CPNE4: variants seen among roughly 807,000 people sequenced by gnomAD.
CPNE4 encodes the protein copine 4.
In CPNE4, 25 loss-of-function variants were observed where a neutral mutation model predicts 67.9. The ratio of observed to expected loss-of-function variants is 0.37; its 90% CI spans 0.27 to 0.51. CPNE4 has a LOEUF of 0.51. CPNE4 is among the 20% of genes least tolerant of loss of function. The pLI is 0.93. For synonymous variants in CPNE4, 242 were observed against 244.9 expected, an observed-to-expected ratio of 0.99 and a Z score of 0.11; for missense variants, 464 against 690.8, an observed-to-expected ratio of 0.67 and a Z score of 3.68.
chr3:132,025,389 T>A (rs1183700775), intron 1 of CPNE4, among the ~76,000 whole-genome samples: 2 of 152,146 alleles, frequency 1.3e-5, no homozygotes, highest in African/African-American at 4.8e-5. Context: ...CAGAGGAAGT[T>A]TTATCTTAGA....
intron 1 of CPNE4, among the ~76,000 whole-genome samples, chr3:131,983,301 A>G (rs1410679741): frequency 6.6e-6 from 1 of 152,222 alleles, no homozygotes; most frequent in Non-Finnish European, 1.5e-5. Flanking sequence ...CTACAATTTT[A>G]AATACAGAAT....
At position 131,978,027 on chromosome 3, in the gene CPNE4, G is replaced by A. The variant is rs549906100; in HGVS notation, c.-2+56540C>T. 1.7e-3 allele frequency among the ~76,000 whole-genome samples: 204 copies of A among 121,952 alleles called. 1 individual carries two copies. The highest frequency in any genetic ancestry group is 2.4e-3 in the Non-Finnish European group (152 of 62,140). 80.0% of individuals were successfully genotyped at this position (121,952 alleles called of 152,430 possible). Reference sequence around the variant, plus strand: ...GCTATTAATTCATTCCTTTTTTATGGCTGCATAGTATTCCATCATAGATAT... The same window carrying A: ...GCTATTAATTCATTCCTTTTTTATGACTGCATAGTATTCCATCATAGATAT... On this transcript the variant is annotated intron_variant, in intron 1 of 15. Transcript: ENST00000429747.
intron 3 of CPNE4, among the ~76,000 whole-genome samples, chr3:131,708,763 A>AAAGT (rs112881262): frequency 0.14 from 20,746 of 151,734 alleles, 1,632 homozygotes; most frequent in African/African-American, 0.2. Flanking sequence ...GCTTCAAAAG[A>AAAGT]AAGTGAAAAG....
Position 131,586,722 on chromosome 3 carries a change from CTCTATCTGTCTG to C in CPNE4, c.780+750_780+761del, listed in dbSNP as rs1421623111. On this transcript the variant is annotated intron_variant, in intron 8 of 15. Coordinates refer to ENST00000429747, the MANE Select transcript of CPNE4 (RefSeq NM_130808.3). ...GATTTGGGCCCAGATGACTTTCTAT[CTCTATCTGTCTG>C]TCTGTCTGTCTGTCTGTCTGTCTGT... is the stretch of plus-strand genomic sequence containing the variant. Among the ~76,000 whole-genome samples the C allele has an allele frequency of 8.5e-4, 126 of 148,484 alleles. 1 individual carries two copies. The highest frequency in any genetic ancestry group is 2.6e-3 in the African/African-American group (102 of 39,088).
At chr3:131,738,859 T>TC (rs112382645) in intron 2 of CPNE4, among the ~76,000 whole-genome samples, 6 of 150,822 alleles carry the variant, frequency 4.0e-5, no homozygotes, top group East Asian at 1.9e-4. Flanking sequence ...TTTTTCTTTT[T>TC]TTTTTTTTTC....
intron 1 of CPNE4, among the ~76,000 whole-genome samples, chr3:132,004,172 T>C (rs1051999369): frequency 6.7e-6 from 1 of 148,898 alleles, no homozygotes; most frequent in Admixed American, 6.7e-5. Context: ...TCTGTGAAAA[T>C]TACAAAAAAA....
intron 7 of CPNE4, among the ~76,000 whole-genome samples, chr3:131,641,737 T>C (rs1249025589): frequency 6.6e-6 from 1 of 152,144 alleles, no homozygotes; most frequent in African/African-American, 2.4e-5. Flanking sequence ...AATTCGCAAT[T>C]GCAAAAATAT....
At chr3:131,677,786 T>A (rs2080622023) in intron 6 of CPNE4, among the ~76,000 whole-genome samples, 1 of 152,174 alleles carries the variant, frequency 6.6e-6, no homozygotes, top group Admixed American at 6.5e-5. Flanking sequence ...GTTCCATTGG[T>A]CTATGTGTCT....
chr3:131,927,697 C>T (rs2070937437), intron 1 of CPNE4, among the ~76,000 whole-genome samples: 1 of 152,160 alleles, frequency 6.6e-6, no homozygotes, highest in South Asian at 2.1e-4. Context: ...TATCCAAATA[C>T]ATTCAGCAGG....
At chr3:131,620,362 A>G (rs2107757958) in intron 7 of CPNE4, 1 of 662,370 alleles carries the variant, frequency 1.5e-6, no homozygotes. Context: ...AAGGTTTTAA[A>G]TTGACAAACT....
At chr3:131,845,614 G>A (rs1484217836) in intron 2 of CPNE4, among the ~76,000 whole-genome samples, 2 of 152,102 alleles carry the variant, frequency 1.3e-5, no homozygotes, top group African/African-American at 4.8e-5. Flanking sequence ...GTGGCCCAAG[G>A]CAGTTCAAAT....
At chr3:131,928,324 A>T (rs2070954717) in intron 1 of CPNE4, among the ~76,000 whole-genome samples, 1 of 152,186 alleles carries the variant, frequency 6.6e-6, no homozygotes, top group Non-Finnish European at 1.5e-5. Flanking sequence ...TTCTTAAAAA[A>T]AATGCAGATA....
At position 131,814,572 on chromosome 3, in the gene CPNE4, A is replaced by ATTTTTTTTT. The variant is rs71136418; in HGVS notation, c.180+90683_180+90691dup. Among the ~76,000 whole-genome samples the ATTTTTTTTT allele has an allele frequency of 1.7e-4, 12 of 71,134 alleles. 2 individuals are homozygous for ATTTTTTTTT. The highest frequency in any genetic ancestry group is 2.7e-4 in the Non-Finnish European group (10 of 36,664). 46.7% of individuals were successfully genotyped at this position (71,134 alleles called of 152,430 possible). A position where few individuals can be genotyped will look rare whatever the true frequency, so the allele number is the denominator to read the frequency against. Reference sequence around the variant, plus strand: ...TGGAAGCATAAAATATTGAAATGCAATTTTTTTTTTTTTTTTTTTTTTTTT... The same window carrying ATTTTTTTTT: ...TGGAAGCATAAAATATTGAAATGCAATTTTTTTTTTTTTTTTTTTTTTTTTTTTTTTTTT... On this transcript the variant is annotated intron_variant, in intron 2 of 15. Coordinates refer to ENST00000429747, the MANE Select transcript of CPNE4 (RefSeq NM_130808.3).
chr3:131,556,121 C>A (rs1042231590), intron 11 of CPNE4, among the ~76,000 whole-genome samples: 1 of 152,012 alleles, frequency 6.6e-6, no homozygotes, highest in Non-Finnish European at 1.5e-5. Flanking sequence ...CTCCTGTAAT[C>A]CCAGAACTTT....
chr3:131,771,357 C>T (rs76686285), intron 2 of CPNE4, among the ~76,000 whole-genome samples: 220 of 152,038 alleles, frequency 1.4e-3, no homozygotes, highest in Middle Eastern at 6.8e-3. Context: ...AAACTCGATC[C>T]GAATGTTGAG....
chr3:131,535,348 C>T lies in CPNE4; in HGVS notation c.1540-19G>A. On this transcript the variant is annotated intron_variant, in intron 15 of 15. Transcript: ENST00000429747. ...GAGATGCCTGCAGGGAAGAAGAAATCATCATGACGTTGGCTTCTGGTCAAG... is the reference window on the plus strand; with the variant it reads ...GAGATGCCTGCAGGGAAGAAGAAATTATCATGACGTTGGCTTCTGGTCAAG... 2 of 1,603,658 alleles carry T rather than the reference C, an allele frequency of 1.2e-6. No individual in the cohort carries two copies. Among genetic ancestry groups the T allele is most frequent in the Non-Finnish European group, 1.7e-6 (2 of 1,175,898 alleles).
At chr3:131,891,183 G>A (rs1208544069) in intron 2 of CPNE4, among the ~76,000 whole-genome samples, 5 of 152,108 alleles carry the variant, frequency 3.3e-5, no homozygotes, top group African/African-American at 1.2e-4. Context: ...CTGGATTGTG[G>A]TGATACCAGT....
chr3:131,545,544 T>C (rs976950992), intron 14 of CPNE4, among the ~76,000 whole-genome samples: 2 of 152,236 alleles, frequency 1.3e-5, no homozygotes, highest in African/African-American at 4.8e-5. Flanking sequence ...TTTCCTGTTA[T>C]ATTACAGTAC....
At chr3:131,681,309 C>T (rs369692892) in intron 6 of CPNE4, among the ~76,000 whole-genome samples, 2 of 152,154 alleles carry the variant, frequency 1.3e-5, no homozygotes, top group African/African-American at 4.8e-5. Context: ...ACTTCCTTTA[C>T]AGTTCTGGTG....
Sources: allele counts gnomAD v4.1 joint callset (sites outside exome capture counted in the v4.1 genomes callset), GRCh38; gene constraint gnomAD v4.1.1; transcripts MANE v1.5; gene names NCBI Gene and HGNC (gene_info 2026-07-23, HGNC 2026-07-21).